The following KCNB2 variants were observed in gnomAD, a reference collection of about 807,000 sequenced individuals.
The protein encoded by KCNB2 is potassium voltage-gated channel subfamily B member 2, also known as delayed rectifier potassium channel protein.
KCNB2 carries 15 observed loss-of-function variants against 61.5 expected under a neutral mutation model. That is an observed-to-expected ratio of 0.24 (90% CI 0.16 to 0.38). The LOEUF is 0.38. Ranked by LOEUF, KCNB2 falls within the 10% of genes least tolerant of loss-of-function variation. The pLI, the probability that KCNB2 is intolerant of heterozygous loss-of-function variation, is 1.00. For missense variants in KCNB2, 828 were observed against 1,125.2 expected (o/e 0.74, Z 3.78); for synonymous variants, 457 against 446.0 (o/e 1.02, Z -0.31).
chr8:72,575,069 C>T (rs1478493737), intron 2 of KCNB2, among the ~76,000 whole-genome samples: 1 of 152,110 alleles, frequency 6.6e-6, no homozygotes, highest in African/African-American at 2.4e-5. Context: ...GGGGCATATA[C>T]CTGGACTTCA....
intron 2 of KCNB2, among the ~76,000 whole-genome samples, chr8:72,602,876 A>G (rs1343071456): frequency 6.6e-6 from 1 of 151,878 alleles, no homozygotes; most frequent in Non-Finnish European, 1.5e-5. Flanking sequence ...GTTCTTCTCC[A>G]TCTCAGGGAA....
intron 2 of KCNB2, among the ~76,000 whole-genome samples, chr8:72,668,976 A>AT (rs1227046383): frequency 6.6e-6 from 1 of 151,842 alleles, no homozygotes; most frequent in African/African-American, 2.4e-5. Context: ...TTTATTAGTA[A>AT]TTTTAGTGAA....
intron 2 of KCNB2, chr8:72,619,132 G>T: frequency 3.4e-6 from 1 of 290,558 alleles, no homozygotes; most frequent in Non-Finnish European, 6.8e-6. Context: ...TTTTTTTCAA[G>T]ATTTTCCCAT....
intron 2 of KCNB2, among the ~76,000 whole-genome samples, chr8:72,882,534 A>AGAGAGAGAGAGAGAGC (rs1554541243): frequency 6.6e-6 from 1 of 150,650 alleles, no homozygotes; most frequent in African/African-American, 2.5e-5. Flanking sequence ...AGAGAGAGAG[A>AGAGAGAGAGAGAGAGC]GAGAGAGAGA....
intron 2 of KCNB2, among the ~76,000 whole-genome samples, chr8:72,579,790 TATC>T (rs1806862005): frequency 6.6e-6 from 1 of 152,244 alleles, no homozygotes; most frequent in Non-Finnish European, 1.5e-5. Flanking sequence ...AACTTCCTAG[TATC>T]ATCAGAGTGT....
intron 2 of KCNB2, among the ~76,000 whole-genome samples, chr8:72,607,544 A>G (rs921311582): frequency 3.3e-5 from 5 of 152,230 alleles, no homozygotes; most frequent in African/African-American, 1.2e-4. Context: ...ATTGAAATGT[A>G]TGAAGAATAA....
At chr8:72,769,159 T>G (rs1182357976) in intron 2 of KCNB2, among the ~76,000 whole-genome samples, 1 of 151,334 alleles carries the variant, frequency 6.6e-6, no homozygotes, top group African/African-American at 2.4e-5. Context: ...AAACCCTGTC[T>G]CAAAAAAAGA....
At chr8:72,926,877 A>T (rs911070097) in intron 2 of KCNB2, among the ~76,000 whole-genome samples, 1 of 152,182 alleles carries the variant, frequency 6.6e-6, no homozygotes, top group Non-Finnish European at 1.5e-5. Flanking sequence ...AGTCCTATGC[A>T]TTACAGTCAG....
At chr8:72,745,199 A>T (rs998517305) in intron 2 of KCNB2, among the ~76,000 whole-genome samples, 4 of 152,240 alleles carry the variant, frequency 2.6e-5, no homozygotes, top group African/African-American at 9.6e-5. Flanking sequence ...TAATAAAATA[A>T]ATCTGCAATA....
intron 2 of KCNB2, among the ~76,000 whole-genome samples, chr8:72,614,751 C>T (rs946557861): frequency 5.9e-5 from 9 of 152,100 alleles, no homozygotes; most frequent in African/African-American, 1.2e-4. Context: ...TTTCTGAAAA[C>T]GTCTTATTTC....
intron 2 of KCNB2, among the ~76,000 whole-genome samples, chr8:72,664,931 A>T (rs1168222819): frequency 2.0e-5 from 3 of 152,216 alleles, no homozygotes; most frequent in Admixed American, 6.5e-5. Flanking sequence ...AGCCCGTGGC[A>T]GGAGAATGCC....
In KCNB2 at chr8:72,882,574, G is replaced by A. The variant is rs6998860; in HGVS notation, c.580-53361G>A. On this transcript the variant is annotated intron_variant, in intron 2 of 2. Coordinates refer to ENST00000523207, the MANE Select transcript of KCNB2 (RefSeq NM_004770.3). ...GAGAGAGAATGTGTGTCTTCATTAC[G>A]GCTCTGCACTTGAAGTTCCTAGCAA... 2.3e-3 allele frequency among the ~76,000 whole-genome samples: 290 copies of A among 125,568 alleles called. 1 individual carries two copies. Among genetic ancestry groups the A allele is most frequent in the Non-Finnish European group, 3.1e-3 (168 of 54,934 alleles). 82.4% of individuals were successfully genotyped at this position (125,568 alleles called of 152,430 possible).
intron 2 of KCNB2, among the ~76,000 whole-genome samples, chr8:72,770,998 C>T: frequency 6.6e-6 from 1 of 152,160 alleles, no homozygotes; most frequent in East Asian, 1.9e-4. Flanking sequence ...AACTCAGCTA[C>T]ATTTGTGTAT....
intron 2 of KCNB2, among the ~76,000 whole-genome samples, chr8:72,766,547 AGTTT>A (rs1181758619): frequency 1.3e-5 from 2 of 152,202 alleles, no homozygotes; most frequent in Non-Finnish European, 2.9e-5. Context: ...TTTCCCAAAC[AGTTT>A]CACCAGGGAA....
At chr8:72,745,999 C>T (rs1808057967) in intron 2 of KCNB2, among the ~76,000 whole-genome samples, 1 of 152,170 alleles carries the variant, frequency 6.6e-6, no homozygotes, top group Admixed American at 6.6e-5. Context: ...CATACTAAAA[C>T]TCTCAAATCA....
At chr8:72,651,144 G>A (rs1007817313) in intron 2 of KCNB2, among the ~76,000 whole-genome samples, 5 of 152,152 alleles carry the variant, frequency 3.3e-5, no homozygotes, top group East Asian at 1.9e-4. Context: ...AACACTAAGC[G>A]TAGCCTAATA....
intron 2 of KCNB2, among the ~76,000 whole-genome samples, chr8:72,804,012 G>A (rs1185018504): frequency 2.0e-5 from 3 of 152,196 alleles, no homozygotes; most frequent in African/African-American, 2.4e-5. Context: ...CAGAATGAAC[G>A]CACGTGAGTG....
intron 2 of KCNB2, among the ~76,000 whole-genome samples, chr8:72,881,317 T>G (rs1805703119): frequency 9.7e-5 from 1 of 10,292 alleles, no homozygotes; most frequent in Admixed American, 5.1e-4. Context: ...CGGGTGGGAG[T>G]GACCCGATTT....
chr8:72,549,403 G>A (rs1420498184), intron 1 of KCNB2, among the ~76,000 whole-genome samples: 3 of 152,148 alleles, frequency 2.0e-5, no homozygotes, highest in South Asian at 4.1e-4. Context: ...TGAAGAGTGC[G>A]AGAGCACAGA....
Sources: gnomAD v4.1 joint callset for allele counts (sites outside exome capture counted in the v4.1 genomes callset) on GRCh38, gnomAD v4.1.1 for gene constraint, MANE v1.5 for transcripts, NCBI Gene and HGNC (gene_info 2026-07-23, HGNC 2026-07-21) for gene names.